MEF2C: variants seen among roughly 807,000 people sequenced by gnomAD.
The protein encoded by MEF2C is myocyte-specific enhancer factor 2C.
A neutral mutation model predicts 50.5 loss-of-function variants in MEF2C; 6 were observed. The ratio of observed to expected loss-of-function variants is 0.12; its 90% CI spans 0.07 to 0.23. The LOEUF is 0.23. MEF2C is among the 10% of genes least tolerant of loss of function. MEF2C has a pLI of 1.00. For synonymous variants in MEF2C, 183 were observed against 228.0 expected, an observed-to-expected ratio of 0.80 and a Z score of 1.78; for missense variants, 276 against 605.0, an observed-to-expected ratio of 0.46 and a Z score of 5.70.
chr5:88,770,361 T>C (rs895443176), intron 3 of MEF2C, among the ~76,000 whole-genome samples: 12 of 152,316 alleles, frequency 7.9e-5, no homozygotes, highest in Middle Eastern at 6.8e-3. Flanking sequence ...ATAAGTCAAA[T>C]CATTATTTTT....
chr5:88,729,152 C>A (rs1035645767), intron 9 of MEF2C, 66 bp downstream of exon 9: 2 of 1,593,576 alleles, frequency 1.3e-6, no homozygotes, highest in Non-Finnish European at 1.7e-6. Flanking sequence ...TAAAAGATAA[C>A]TTTTTCATCT....
intron 3 of MEF2C, among the ~76,000 whole-genome samples, chr5:88,793,787 C>T (rs373135428): frequency 6.6e-6 from 1 of 152,050 alleles, no homozygotes; most frequent in South Asian, 2.1e-4. Flanking sequence ...AATGCTATCC[C>T]TCCCCTAGCC....
At chr5:88,873,779 GA>G (rs1177874699) in intron 1 of MEF2C, among the ~76,000 whole-genome samples, 4 of 114,984 alleles carry the variant, frequency 3.5e-5, no homozygotes, top group Non-Finnish European at 5.2e-5. Flanking sequence ...TGAAATGAAA[GA>G]AAAAAATAGT....
intron 1 of MEF2C, chr5:88,888,187 TTAAC>T (rs1220515198): frequency 1.3e-5 from 2 of 152,248 alleles, no homozygotes; most frequent in Non-Finnish European, 1.5e-5. Context: ...CAAGCAGTGT[TTAAC>T]TATACTGAGC....
chr5:88,753,613 A>G (rs1448652591), intron 4 of MEF2C, among the ~76,000 whole-genome samples: 1 of 151,624 alleles, frequency 6.6e-6, no homozygotes, highest in East Asian at 1.9e-4. Context: ...CTGGTCTTGA[A>G]CTCCTGAGCG....
At chr5:88,800,040 A>C (rs1172509092) in intron 3 of MEF2C, among the ~76,000 whole-genome samples, 5 of 152,172 alleles carry the variant, frequency 3.3e-5, no homozygotes, top group Admixed American at 3.3e-4. Context: ...GAGAGCAGCA[A>C]AGGGCCTTGT....
chr5:88,734,159 G>T (rs1762865594), intron 6 of MEF2C: 1 of 984,762 alleles, frequency 1.0e-6, no homozygotes, highest in African/African-American at 1.7e-5. Flanking sequence ...AACTTAGTTT[G>T]AATTAATAGA....
intron 3 of MEF2C, among the ~76,000 whole-genome samples, chr5:88,794,459 G>A (rs532151180): frequency 6.6e-6 from 1 of 152,238 alleles, no homozygotes; most frequent in South Asian, 2.1e-4. Flanking sequence ...AGAGGTGTCT[G>A]TTCATATCCT....
intron 1 of MEF2C, among the ~76,000 whole-genome samples, chr5:88,880,374 A>G (rs1832448078): frequency 6.6e-6 from 1 of 152,140 alleles, no homozygotes; most frequent in Non-Finnish European, 1.5e-5. Flanking sequence ...ATTCTGTTTA[A>G]TAACTATGTC....
intron 1 of MEF2C, among the ~76,000 whole-genome samples, chr5:88,897,647 T>G (rs545954102): frequency 1.4e-3 from 211 of 152,332 alleles, no homozygotes; most frequent in African/African-American, 4.8e-3. Context: ...TTGATGACAC[T>G]TATTTTCCAG....
chr5:88,892,550 G>A (rs12522630), intron 1 of MEF2C, among the ~76,000 whole-genome samples: 6,415 of 152,240 alleles, frequency 0.042, 207 homozygotes, highest in Non-Finnish European at 0.06. Context: ...TCCGAGAGGT[G>A]GGAATTGGTT....
At position 88,835,657 on chromosome 5, in the gene MEF2C, CAA is replaced by C. The variant is rs1814789238; in HGVS notation, c.-142-11729_-142-11728del. Among the ~76,000 whole-genome samples the C allele has an allele frequency of 2.0e-5, 3 of 151,600 alleles. No homozygotes were observed. In the South Asian group the frequency reaches 6.2e-4, roughly 32 times the overall value. On this transcript the variant is annotated intron_variant, in intron 1 of 10. Transcript: ENST00000504921. The stretch of plus-strand genomic sequence containing the variant: ...TGAAATCCCGTCTCTACTAAAAATA[CAA>C]AAAGTTAGCCAGGTGTGGTGGTGGG...
chr5:88,889,835 C>T (rs988482711), intron 1 of MEF2C, among the ~76,000 whole-genome samples: 1 of 152,244 alleles, frequency 6.6e-6, no homozygotes, highest in African/African-American at 2.4e-5. Flanking sequence ...TCCAAAAGAG[C>T]TCGGGATGGG....
intron 3 of MEF2C, among the ~76,000 whole-genome samples, chr5:88,783,031 A>G (rs1788929190): frequency 1.3e-5 from 2 of 151,974 alleles, no homozygotes; most frequent in South Asian, 4.2e-4. Context: ...GGTTTTTTGA[A>G]AGTTTGCCCA....
chr5:88,820,721 T>A (rs1255955143), intron 2 of MEF2C, among the ~76,000 whole-genome samples: 4 of 152,130 alleles, frequency 2.6e-5, no homozygotes, highest in African/African-American at 9.6e-5. Flanking sequence ...CTTTGCAACA[T>A]GTGAATACAC....
At chr5:88,783,445 A>G (rs527501478) in intron 3 of MEF2C, among the ~76,000 whole-genome samples, 2 of 152,258 alleles carry the variant, frequency 1.3e-5, no homozygotes, top group Admixed American at 1.3e-4. Flanking sequence ...CCTGACCAAC[A>G]TGGAGAAACC....
chr5:88,771,036 A>C (rs1479128767), intron 3 of MEF2C, among the ~76,000 whole-genome samples: 2 of 152,268 alleles, frequency 1.3e-5, no homozygotes, highest in African/African-American at 2.4e-5. Flanking sequence ...CATGTCCTAC[A>C]TGGCGGCAGG....
At chr5:88,848,383 G>A (rs1187025955) in intron 1 of MEF2C, among the ~76,000 whole-genome samples, 1 of 152,084 alleles carries the variant, frequency 6.6e-6, no homozygotes, top group Non-Finnish European at 1.5e-5. Flanking sequence ...AGAATATTGG[G>A]TAATCTTACA....
intron 2 of MEF2C, among the ~76,000 whole-genome samples, chr5:88,816,105 C>T (rs949300012): frequency 1.3e-5 from 2 of 151,748 alleles, no homozygotes; most frequent in African/African-American, 4.8e-5. Context: ...CAATAAAAAC[C>T]CTTGAGGCCC....
Sources: allele counts gnomAD v4.1 joint callset (sites outside exome capture counted in the v4.1 genomes callset), GRCh38; gene constraint gnomAD v4.1.1; transcripts MANE v1.5; gene names NCBI Gene and HGNC (gene_info 2026-07-23, HGNC 2026-07-21).